Variants in OSTM1 observed in about 807,000 individuals in gnomAD.
The protein encoded by OSTM1 is osteoclastogenesis associated transmembrane protein 1.
A neutral mutation model predicts 35.4 loss-of-function variants in OSTM1; 26 were observed. The observed-to-expected ratio is 0.73, with a 90% CI of 0.54 to 1.02. The LOEUF is 1.02. OSTM1 is among the 50% of genes least tolerant of loss of function. The pLI is 0.00. For missense variants in OSTM1, 366 were observed against 409.6 expected (o/e 0.89, Z 0.92); for synonymous variants, 181 against 165.0 (o/e 1.10, Z -0.75).
chr6:108,057,564 C>T (rs1772189722), intron 2 of OSTM1, among the ~76,000 whole-genome samples: 2 of 152,070 alleles, frequency 1.3e-5, no homozygotes, highest in South Asian at 2.1e-4. Flanking sequence ...TGCAAGATAC[C>T]TAATTAAAAC....
intron 2 of OSTM1, 68 bp from the exon 3 acceptor site, chr6:108,054,655 T>A: frequency 4.0e-6 from 3 of 755,484 alleles, no homozygotes; most frequent in Non-Finnish European, 4.6e-6. Context: ...CATTTATATC[T>A]TAAGCTATCA....
At chr6:108,074,168 G>GC in intron 1 of OSTM1, 82 bp downstream of exon 1, 1 of 1,366,250 alleles carries the variant, frequency 7.3e-7, no homozygotes, top group East Asian at 2.4e-5. Context: ...GGAAACTGAG[G>GC]CCCCCAGCGC....
chr6:108,071,096 G>A (rs1772474973), intron 1 of OSTM1, among the ~76,000 whole-genome samples: 1 of 151,450 alleles, frequency 6.6e-6, no homozygotes, highest in African/African-American at 2.4e-5. Flanking sequence ...GCTAAGGCAG[G>A]AGAATGGCAT....
chr6:108,065,318 C>T (rs1772358564), intron 1 of OSTM1, among the ~76,000 whole-genome samples: 1 of 150,300 alleles, frequency 6.7e-6, no homozygotes, highest in African/African-American at 2.5e-5. Context: ...CAGCTCACTG[C>T]AACATCTGCC....
chr6:108,044,664 T>G lies in OSTM1; in HGVS notation c.*121A>C. On this transcript the variant is annotated 3_prime_UTR_variant, in exon 6 of 6. Coordinates refer to ENST00000193322, the MANE Select transcript of OSTM1 (RefSeq NM_014028.4). ...GAAAATTCTTATTTAAAAATGGATC[T>G]GAAGTCCTTGTATTTCTTAAGAGCT... 1.7e-6 allele frequency: 1 copy of G among 602,146 alleles called. No homozygotes were observed. Among genetic ancestry groups the G allele is most frequent in the Non-Finnish European group, 3.1e-6 (1 of 326,970 alleles). 37.3% of individuals were successfully genotyped at this position (602,146 alleles called of 1,614,324 possible).
At chr6:108,063,461 T>G (rs561436330) in intron 2 of OSTM1, among the ~76,000 whole-genome samples, 1 of 152,374 alleles carries the variant, frequency 6.6e-6, no homozygotes, top group African/African-American at 2.4e-5. Context: ...AGCATTTATG[T>G]GTCTGTCCTA....
At chr6:108,063,428 C>T (rs1351123318) in intron 2 of OSTM1, among the ~76,000 whole-genome samples, 2 of 152,182 alleles carry the variant, frequency 1.3e-5, no homozygotes, top group Non-Finnish European at 2.9e-5. Flanking sequence ...CTTCTTCCTC[C>T]AAGGACTCTA....
At chr6:108,048,046 C>T (rs1772010556) in intron 5 of OSTM1, among the ~76,000 whole-genome samples, 1 of 152,150 alleles carries the variant, frequency 6.6e-6, no homozygotes, top group Admixed American at 6.5e-5. Flanking sequence ...CTTCAAAAAA[C>T]CTTTAATAAA....
intron 4 of OSTM1, among the ~76,000 whole-genome samples, chr6:108,050,511 G>A (rs60558739): frequency 0.068 from 10,311 of 152,050 alleles, 677 homozygotes; most frequent in African/African-American, 0.17. Flanking sequence ...TAACAGGCGT[G>A]TGCCACTACA....
rs1771925771 is a variant in OSTM1, at chr6:108,044,248, A to G, written c.*537T>C. On this transcript the variant is annotated 3_prime_UTR_variant, in exon 6 of 6. Coordinates refer to ENST00000193322, the MANE Select transcript of OSTM1 (RefSeq NM_014028.4). Reference sequence around the variant, plus strand: ...AAAATTGTCAGGGAGGTTTGCAATCAGTGGTTTCAAAAATGACTCTAGGGA... The same window carrying G: ...AAAATTGTCAGGGAGGTTTGCAATCGGTGGTTTCAAAAATGACTCTAGGGA... 6.6e-6 allele frequency: 1 copy of G among 152,642 alleles called. No homozygotes were observed. Among genetic ancestry groups the G allele is most frequent in the Non-Finnish European group, 1.5e-5 (1 of 68,032 alleles). The allele number at this position is 152,642 out of a possible 1,614,324, so 9.5% of individuals were successfully genotyped here.
chr6:108,074,398 C>T lies in OSTM1; in HGVS notation c.254G>A (p.Arg85Gln), dbSNP rs898484756. The T allele has an allele frequency of 6.3e-7, 1 of 1,576,254 alleles. No individual in the cohort carries two copies. Among genetic ancestry groups the T allele is most frequent in the Non-Finnish European group, 8.6e-7 (1 of 1,161,078 alleles). ...GTTGGCGAAGTCCAGCAGGAGCTCCCGGCACTCAGGATCCAGATCCGGCAG... is the reference window on the plus strand; with the variant it reads ...GTTGGCGAAGTCCAGCAGGAGCTCCTGGCACTCAGGATCCAGATCCGGCAG... ...PDLPDLDPEC[R>Q]ELLLDFANSS... Residue 85 changes from arginine (R) to glutamine (Q), a missense_variant, in exon 1 of 6, where the codon CGG becomes CAG. Arg to Gln is a conservative substitution (Grantham distance 43). Around this residue, in one of 3 missense-constraint regions of OSTM1, gnomAD observed 236 missense variants for 239.3 expected, o/e 0.99. Transcript: ENST00000193322.
At chr6:108,072,736 T>C (rs1409086849) in intron 1 of OSTM1, among the ~76,000 whole-genome samples, 4 of 151,920 alleles carry the variant, frequency 2.6e-5, no homozygotes, top group Non-Finnish European at 5.9e-5. Context: ...TTATGTAAAA[T>C]GACAGATTTT....
intron 2 of OSTM1, among the ~76,000 whole-genome samples, chr6:108,055,105 A>C (rs1562372119): frequency 6.6e-6 from 1 of 152,222 alleles, no homozygotes; most frequent in Admixed American, 6.5e-5. Flanking sequence ...ACTGGTGAGA[A>C]TTTTGCCTAA....
chr6:108,073,714 G>A (rs1772528511), intron 1 of OSTM1: 1 of 160,106 alleles, frequency 6.2e-6, no homozygotes. Flanking sequence ...CTAAGATGAA[G>A]TCACAGGCAA....
chr6:108,051,601 T>C (rs564246984), intron 3 of OSTM1, among the ~76,000 whole-genome samples: 33 of 152,312 alleles, frequency 2.2e-4, no homozygotes, highest in African/African-American at 7.9e-4. Flanking sequence ...TCTATCCTAC[T>C]CTCACTGAAT....
chr6:108,073,922 C>A, intron 1 of OSTM1: 1 of 387,900 alleles, frequency 2.6e-6, no homozygotes, highest in Non-Finnish European at 4.7e-6. Flanking sequence ...AGAAAAGGAT[C>A]CTTCCTGGCA....
chr6:108,071,328 C>T lies in OSTM1; in HGVS notation c.402+2922G>A, dbSNP rs547884452. 1.1e-3 allele frequency among the ~76,000 whole-genome samples: 174 copies of T among 151,382 alleles called. 1 individual carries two copies. The highest frequency in any genetic ancestry group is 3.9e-3 in the African/African-American group (161 of 41,326). ...GTTTTGTTTTGGTTTTTTTTTGCAA[C>T]GGAGTCTTACTCTGTCCCCCAGGTT... On this transcript the variant is annotated intron_variant, in intron 1 of 5. Coordinates refer to ENST00000193322, the MANE Select transcript of OSTM1 (RefSeq NM_014028.4).
chr6:108,055,619 C>G (rs1449050618), intron 2 of OSTM1, among the ~76,000 whole-genome samples: 1 of 152,234 alleles, frequency 6.6e-6, no homozygotes, highest in South Asian at 2.1e-4. Context: ...TTCCATCTGA[C>G]TCTCCTAGAA....
At chr6:108,054,209 CTCAA>C (rs1378654882) in intron 3 of OSTM1, among the ~76,000 whole-genome samples, 2 of 152,260 alleles carry the variant, frequency 1.3e-5, no homozygotes, top group South Asian at 2.1e-4. Context: ...AATCACACAC[CTCAA>C]TCAATGTTTT....
Sources: allele counts gnomAD v4.1 joint callset (sites outside exome capture counted in the v4.1 genomes callset), GRCh38; gene constraint gnomAD v4.1.1; regional missense constraint gnomAD v4.1.1; transcripts MANE v1.5; gene names NCBI Gene and HGNC (gene_info 2026-07-23, HGNC 2026-07-21).